The following PCDHGB6 variants were observed in gnomAD, a reference collection of about 807,000 sequenced individuals.
PCDHGB6 encodes protocadherin gamma subfamily B, 6.
Under a neutral mutation model 59.1 loss-of-function variants are expected in PCDHGB6, and 51 were observed. That is an observed-to-expected ratio of 0.86 (90% CI 0.69 to 1.09). PCDHGB6 has a LOEUF of 1.09. Ranked by LOEUF, PCDHGB6 falls within the 50% of genes least tolerant of loss-of-function variation. The pLI is 0.00. For missense variants in PCDHGB6, 1,148 were observed against 1,205.1 expected (o/e 0.95, Z 0.70); for synonymous variants, 466 against 495.1 (o/e 0.94, Z 0.78).
At chr5:141,482,530 C>CTAAAAA in intron 1 of PCDHGB6, among the ~76,000 whole-genome samples, 1 of 76,560 alleles carries the variant, frequency 1.3e-5, no homozygotes, top group African/African-American at 4.8e-5. Context: ...GACAGACATG[C>CTAAAAA]AAAAAAAAAA....
At position 141,486,891 on chromosome 5, in the gene PCDHGB6, G is replaced by C. The variant is rs201201426; in HGVS notation, c.2419-7916G>C. On this transcript the variant is annotated intron_variant, in intron 1 of 3. Transcript: ENST00000520790. This position sits in a 1 kb window ranked among gnomAD's most constrained non-coding sequence, Gnocchi z 5.0. ...GTGCTCCGTCCTCGGGCCCGGCCTGGTTCCTTATGTCCCCAAGCACTGCCT... is the reference window on the plus strand; with the variant it reads ...GTGCTCCGTCCTCGGGCCCGGCCTGCTTCCTTATGTCCCCAAGCACTGCCT... 14 of 1,614,118 alleles carry C rather than the reference G, an allele frequency of 8.7e-6. No homozygotes were observed. The highest frequency in any genetic ancestry group is 3.3e-5 in the Admixed American group (2 of 60,008).
At chr5:141,463,725 C>T (rs1259646105) in intron 1 of PCDHGB6, among the ~76,000 whole-genome samples, 2 of 152,026 alleles carry the variant, frequency 1.3e-5, no homozygotes, top group Non-Finnish European at 1.5e-5. Context: ...GGATTACAGG[C>T]ATGAGCCACC....
chr5:141,457,428 C>G (rs72790053), intron 1 of PCDHGB6, among the ~76,000 whole-genome samples: 1,866 of 152,262 alleles, frequency 0.012, 18 homozygotes, highest in Non-Finnish European at 0.017. Context: ...TTTTTCCCCC[C>G]CACCAAGCTG....
At chr5:141,478,821 A>G (rs72790063) in intron 1 of PCDHGB6, 38,524 of 1,444,166 alleles carry the variant, frequency 0.027, 650 homozygotes, top group East Asian at 0.045. Flanking sequence ...CAACTAACCA[A>G]TCTTGCTAAG....
At chr5:141,470,872 T>TTTTTTG (rs900302332) in intron 1 of PCDHGB6, among the ~76,000 whole-genome samples, 2 of 151,814 alleles carry the variant, frequency 1.3e-5, no homozygotes, top group Admixed American at 1.3e-4. Context: ...GTTTGTTTGT[T>TTTTTTG]TTTTTGTTTT....
chr5:141,458,409 G>A (rs188300064), intron 1 of PCDHGB6, among the ~76,000 whole-genome samples: 2 of 152,126 alleles, frequency 1.3e-5, no homozygotes, highest in East Asian at 1.9e-4. Context: ...GAGACGGAGC[G>A]GGGGTTCCAA....
intron 1 of PCDHGB6, among the ~76,000 whole-genome samples, chr5:141,446,802 G>T (rs2098516342): frequency 6.6e-6 from 1 of 152,130 alleles, no homozygotes; most frequent in South Asian, 2.1e-4. Flanking sequence ...CTTCCATTGT[G>T]ATCATCTAGT....
intron 1 of PCDHGB6, chr5:141,417,959 C>A (rs759279387): frequency 5.0e-6 from 8 of 1,613,734 alleles, no homozygotes; most frequent in Non-Finnish European, 6.8e-6. Context: ...TGAGCCGATC[C>A]GCTACTCGAT....
At chr5:141,435,430 T>C (rs576681937) in intron 1 of PCDHGB6, among the ~76,000 whole-genome samples, 115 of 152,334 alleles carry the variant, frequency 7.5e-4, no homozygotes, top group African/African-American at 2.6e-3. Flanking sequence ...ACTTCTGTTA[T>C]GCATTTCATT....
chr5:141,430,766 C>T, intron 1 of PCDHGB6: 1 of 1,504,534 alleles, frequency 6.6e-7, no homozygotes, highest in Non-Finnish European at 8.9e-7. Context: ...AAGAATGATT[C>T]CTGCGCGACT....
At chr5:141,420,240 C>G (rs752339982) in intron 1 of PCDHGB6, 3 of 1,593,140 alleles carry the variant, frequency 1.9e-6, no homozygotes, top group Non-Finnish European at 2.6e-6. Context: ...ATTTTAACTC[C>G]CAGCGTTGAA....
intron 1 of PCDHGB6, chr5:141,422,634 T>C: frequency 1.9e-6 from 3 of 1,612,682 alleles, no homozygotes; most frequent in Non-Finnish European, 2.5e-6. Flanking sequence ...ACCCCAGGGG[T>C]GCCTCCATCT....
At position 141,431,392 on chromosome 5, in the gene PCDHGB6, C is replaced by T. The variant is rs572129534; in HGVS notation, c.2418+20772C>T. 3 of 1,613,888 alleles carry T rather than the reference C, an allele frequency of 1.9e-6. No homozygotes were observed. Among genetic ancestry groups the T allele is most frequent in the Non-Finnish European group, 2.5e-6 (3 of 1,180,048 alleles). On this transcript the variant is annotated intron_variant, in intron 1 of 3. Transcript: ENST00000520790. The surrounding 1 kb of genome is among the most constrained non-coding windows in gnomAD (Gnocchi z 4.8). ...AAGAAAAGGCTGCTCACCACCTGGT[C>T]CTTACGGCCTCCGACGGGGGCGACC... is the stretch of plus-strand genomic sequence containing the variant.
intron 1 of PCDHGB6, chr5:141,412,314 A>G (rs913648948): frequency 6.6e-6 from 1 of 152,240 alleles, no homozygotes; most frequent in African/African-American, 2.4e-5. Flanking sequence ...CAATGCAAAC[A>G]GTTTAATTTG....
chr5:141,465,893 C>T (rs926928579), intron 1 of PCDHGB6, among the ~76,000 whole-genome samples: 23 of 152,078 alleles, frequency 1.5e-4, no homozygotes, highest in Middle Eastern at 3.4e-3. Context: ...GAGGCCGAGG[C>T]GGGCAAATCA....
chr5:141,426,590 C>T (rs2096945493), intron 1 of PCDHGB6: 1 of 369,282 alleles, frequency 2.7e-6, no homozygotes, highest in East Asian at 7.4e-5. Context: ...TCCTCTGTGT[C>T]ATACCCTTAG....
chr5:141,510,847 A>C (rs1279701390), intron 3 of PCDHGB6, 100 bp from the exon 4 acceptor site: 1 of 1,595,232 alleles, frequency 6.3e-7, no homozygotes, highest in Non-Finnish European at 8.6e-7. Context: ...GTCAAGGCCC[A>C]GGGTGCTGTA....
At chr5:141,424,120 C>A in intron 1 of PCDHGB6, 2 of 650,838 alleles carry the variant, frequency 3.1e-6, no homozygotes, top group Non-Finnish European at 3.9e-6. Context: ...AAATTTTGAT[C>A]CTGTTGATTT....
chr5:141,422,243 T>C, intron 1 of PCDHGB6: 12 of 1,566,082 alleles, frequency 7.7e-6, no homozygotes, highest in Non-Finnish European at 1.0e-5. Flanking sequence ...ATCACTGTTG[T>C]GGATGTGAAT....
Sources: gnomAD v4.1 joint callset for allele counts (sites outside exome capture counted in the v4.1 genomes callset) on GRCh38, gnomAD v4.1.1 for gene constraint, Gnocchi (gnomAD v3.1) non-coding constraint, MANE v1.5 for transcripts, NCBI Gene and HGNC (gene_info 2026-07-23, HGNC 2026-07-21) for gene names.